Variants in MAFK observed in about 807,000 individuals in gnomAD.
MAFK encodes transcription factor MafK.
A neutral mutation model predicts 9.2 loss-of-function variants in MAFK; 1 was observed. The observed-to-expected ratio is 0.11, with a 90% CI of 0.04 to 0.52. The LOEUF is 0.52. Among genes scored for constraint, MAFK ranks in the 20% least tolerant of loss-of-function variants. MAFK has a pLI of 0.94. For synonymous variants in MAFK, 110 were observed against 107.4 expected (o/e 1.02, Z -0.15); for missense variants, 207 against 236.0 (o/e 0.88, Z 0.81).
rs1784226806 is a variant in MAFK, at chr7:1,542,767, G to A, written c.*2392G>A. 6.6e-6 allele frequency: 1 copy of A among 152,608 alleles called. No homozygotes were observed. The highest frequency in any genetic ancestry group is 6.5e-5 in the Admixed American group (1 of 15,288). 9.5% of individuals were successfully genotyped at this position (152,608 alleles called of 1,614,324 possible). On this transcript the variant is annotated 3_prime_UTR_variant, in exon 3 of 3. Transcript: ENST00000343242. ...GCTTCCCAAAGAGATCCAGGTCTTTGCGTTTCCAGGGCGTGGGGACCCCGG... is the reference window on the plus strand; with the variant it reads ...GCTTCCCAAAGAGATCCAGGTCTTTACGTTTCCAGGGCGTGGGGACCCCGG...
Position 1,540,481 on chromosome 7 carries a change from A to G in MAFK, c.*106A>G. 8.7e-7 allele frequency: 1 copy of G among 1,152,996 alleles called. No individual in the cohort carries two copies. The highest frequency in any genetic ancestry group is 1.2e-6 in the Non-Finnish European group (1 of 836,208). 71.4% of individuals were successfully genotyped at this position (1,152,996 alleles called of 1,614,324 possible). A position where few individuals can be genotyped will look rare whatever the true frequency, so the allele number is the denominator to read the frequency against. On this transcript the variant is annotated 3_prime_UTR_variant, in exon 3 of 3. Coordinates refer to ENST00000343242, the MANE Select transcript of MAFK (RefSeq NM_002360.4). ...ATGCAGACTCTCGACATCCGAGTCC[A>G]AGCGCAGGCCCCTCGGGCGCAGGCA...
chr7:1,536,215 C>T (rs1002827045), intron 1 of MAFK, among the ~76,000 whole-genome samples: 1 of 152,232 alleles, frequency 6.6e-6, no homozygotes, highest in Non-Finnish European at 1.5e-5. Context: ...CCACCCAGGC[C>T]CCCGCTGTGG....
At position 1,530,872 on chromosome 7, in the gene MAFK, G is replaced by T. The variant is rs1403280014; in HGVS notation, c.-71G>T. 6.9e-6 allele frequency: 1 copy of T among 145,868 alleles called. No homozygotes were observed. The highest frequency in any genetic ancestry group is 2.0e-4 in the East Asian group (1 of 5,024). The allele number at this position is 145,868 out of a possible 1,614,324, so 9.0% of individuals were successfully genotyped here. On this transcript the variant is annotated 5_prime_UTR_variant, in exon 1 of 3. Coordinates refer to ENST00000343242, the MANE Select transcript of MAFK (RefSeq NM_002360.4). ...GCGCGTGCCCGCGAGGAGCCGCCGC[G>T]CGCCCGCGCCCTCCGCGCGACGCCA...
At chr7:1,533,990 G>A (rs1033519773) in intron 1 of MAFK, 4 of 346,692 alleles carry the variant, frequency 1.2e-5, no homozygotes, top group African/African-American at 6.4e-5. Flanking sequence ...CTCTGCTGCT[G>A]CAGCTGCCTG....
Position 1,542,543 on chromosome 7 carries a change from G to A in MAFK, c.*2168G>A, listed in dbSNP as rs1482311682. The stretch of plus-strand genomic sequence containing the variant: ...CCTTGGCCTGCAGTGCTTTGCTGGA[G>A]AAGGGACTCCCTGGTCCCCAGGGTG... On this transcript the variant is annotated 3_prime_UTR_variant, in exon 3 of 3. Coordinates refer to ENST00000343242, the MANE Select transcript of MAFK (RefSeq NM_002360.4). 1 of 152,320 alleles carries A rather than the reference G, an allele frequency of 6.6e-6. No homozygotes were observed. The highest frequency in any genetic ancestry group is 1.5e-5 in the Non-Finnish European group (1 of 68,070). The allele number at this position is 152,320 out of a possible 1,614,324, so 9.4% of individuals were successfully genotyped here.
rs889825251 is a variant in MAFK at position 1,542,330 on chromosome 7, G to C, written c.*1955G>C. Reference sequence around the variant, plus strand: ...ACTGTAAATCTATCAGAGCAGAGCCGGGGGCACGGGCACAGGTGGGAGTTG... The same window carrying C: ...ACTGTAAATCTATCAGAGCAGAGCCCGGGGCACGGGCACAGGTGGGAGTTG... On this transcript the variant is annotated 3_prime_UTR_variant, in exon 3 of 3. Transcript: ENST00000343242. 1 of 152,728 alleles carries C rather than the reference G, an allele frequency of 6.5e-6. No individual in the cohort carries two copies. The highest frequency in any genetic ancestry group is 1.5e-5 in the Non-Finnish European group (1 of 68,038). 9.5% of individuals were successfully genotyped at this position (152,728 alleles called of 1,614,324 possible).
intron 1 of MAFK, among the ~76,000 whole-genome samples, chr7:1,531,473 A>T (rs1783903554): frequency 6.6e-6 from 1 of 151,956 alleles, no homozygotes; most frequent in Admixed American, 6.5e-5. Flanking sequence ...CACAGGCGGG[A>T]TCCTGGGACT....
intron 1 of MAFK, 76 bp from the exon 2 acceptor site, chr7:1,539,073 C>CA: frequency 2.7e-6 from 3 of 1,121,978 alleles, no homozygotes; most frequent in Non-Finnish European, 4.0e-6. Context: ...AGCATCCCTG[C>CA]ATGGGAGGTG....
intron 1 of MAFK, among the ~76,000 whole-genome samples, chr7:1,535,082 A>ATTTTTTTTTT (rs1554285288): frequency 1.5e-5 from 1 of 67,860 alleles, no homozygotes; most frequent in Non-Finnish European, 2.9e-5. Context: ...GCTATTTAAA[A>ATTTTTTTTTT]TTCTTTTTTT....
In MAFK at chr7:1,542,824, C is replaced by T. The variant is rs1784229888; in HGVS notation, c.*2449C>T. The T allele has an allele frequency of 6.5e-6, 1 of 152,712 alleles. No individual in the cohort carries two copies. Among genetic ancestry groups the T allele is most frequent in the Non-Finnish European group, 1.5e-5 (1 of 68,078 alleles). The allele number at this position is 152,712 out of a possible 1,614,324, so 9.5% of individuals were successfully genotyped here. On this transcript the variant is annotated 3_prime_UTR_variant, in exon 3 of 3. Coordinates refer to ENST00000343242, the MANE Select transcript of MAFK (RefSeq NM_002360.4). ...ATGCCGCCACGCCGCCACACCGCCT[C>T]ACCCTGGCTTCTGTGCTACTTGGCA...
chr7:1,530,954 G>T (rs1048103908), intron 1 of MAFK, 56 bp downstream of exon 1: 2 of 146,264 alleles, frequency 1.4e-5, no homozygotes, highest in African/African-American at 4.9e-5. Context: ...GGACCGGGGC[G>T]CGGGGCCGGG....
In MAFK at chr7:1,540,543, AGTGGGCTCCC is replaced by A. The variant is rs924720311; in HGVS notation, c.*175_*184del. ...GAAGAGACTGTATTGCAGGGTGAAG[AGTGGGCTCCC>A]GTGGGCCCAGAGCTGCACGCCGGTC... On this transcript the variant is annotated 3_prime_UTR_variant, in exon 3 of 3. Transcript: ENST00000343242. The A allele has an allele frequency of 1.4e-6, 1 of 721,598 alleles. No individual in the cohort carries two copies. The highest frequency in any genetic ancestry group is 1.8e-5 in the African/African-American group (1 of 55,020). 44.7% of individuals were successfully genotyped at this position (721,598 alleles called of 1,614,324 possible).
intron 1 of MAFK, chr7:1,537,941 C>G (rs1327861250): frequency 6.4e-6 from 1 of 156,554 alleles, no homozygotes; most frequent in Admixed American, 6.5e-5. Context: ...CTGTGGGAAC[C>G]TGTGTCTGGT....
chr7:1,531,002 G>A (rs1032421879), intron 1 of MAFK, 104 bp downstream of exon 1: 2 of 146,884 alleles, frequency 1.4e-5, no homozygotes, highest in African/African-American at 2.5e-5. Flanking sequence ...CTGGGGGCGC[G>A]GGCCGAGGGT....
intron 1 of MAFK, among the ~76,000 whole-genome samples, chr7:1,531,531 C>T (rs1173841863): frequency 6.6e-6 from 1 of 152,110 alleles, no homozygotes; most frequent in Admixed American, 6.5e-5. Context: ...GAAGGAAGGC[C>T]GTGGGGAGGC....
At chr7:1,537,891 C>G (rs10259340) in intron 1 of MAFK, 223 of 168,364 alleles carry the variant, frequency 1.3e-3, no homozygotes, top group African/African-American at 5.1e-3. Context: ...GAGGTGCTGA[C>G]CAAGGACACC....
intron 1 of MAFK, among the ~76,000 whole-genome samples, chr7:1,537,187 C>T (rs978859177): frequency 3.3e-5 from 5 of 152,234 alleles, no homozygotes; most frequent in Admixed American, 1.3e-4. Context: ...GGCATCTGGC[C>T]GAGCCCCACA....
Position 1,540,526 on chromosome 7 carries a change from T to C in MAFK, c.*151T>C. 2 of 802,792 alleles carry C rather than the reference T, an allele frequency of 2.5e-6. No individual in the cohort carries two copies. The highest frequency in any genetic ancestry group is 3.8e-6 in the Non-Finnish European group (2 of 526,612). 49.7% of individuals were successfully genotyped at this position (802,792 alleles called of 1,614,324 possible). On this transcript the variant is annotated 3_prime_UTR_variant, in exon 3 of 3. Transcript: ENST00000343242. Reference sequence around the variant, plus strand: ...CAGGCAGCTCACACCAGGAAGAGACTGTATTGCAGGGTGAAGAGTGGGCTC... The same window carrying C: ...CAGGCAGCTCACACCAGGAAGAGACCGTATTGCAGGGTGAAGAGTGGGCTC...
chr7:1,533,656 C>T (rs566806290), intron 1 of MAFK, among the ~76,000 whole-genome samples: 8 of 152,186 alleles, frequency 5.3e-5, no homozygotes, highest in South Asian at 2.1e-4. Context: ...AGACAGGAGA[C>T]GCTGGAGGCC....
Sources: allele counts gnomAD v4.1 joint callset (sites outside exome capture counted in the v4.1 genomes callset), GRCh38; gene constraint gnomAD v4.1.1; transcripts MANE v1.5; gene names NCBI Gene and HGNC (gene_info 2026-07-23, HGNC 2026-07-21).